The following MLLT3 variants were observed in gnomAD, a reference collection of about 807,000 sequenced individuals.
MLLT3 encodes the protein MLLT3 super elongation complex subunit, also known as protein AF-9.
Under a neutral mutation model 53.2 loss-of-function variants are expected in MLLT3, and 4 were observed. The ratio of observed to expected loss-of-function variants is 0.08; its 90% CI spans 0.04 to 0.17. MLLT3 has a LOEUF of 0.17. Ranked by LOEUF, MLLT3 falls within the 10% of genes least tolerant of loss-of-function variation. The pLI is 1.00. For missense variants in MLLT3, 569 were observed against 684.0 expected, an observed-to-expected ratio of 0.83 and a Z score of 1.87; for synonymous variants, 283 against 230.6, an observed-to-expected ratio of 1.23 and a Z score of -2.06.
intron 2 of MLLT3, among the ~76,000 whole-genome samples, chr9:20,459,087 G>C (rs1203261526): frequency 6.6e-6 from 1 of 152,088 alleles, no homozygotes; most frequent in Non-Finnish European, 1.5e-5. Context: ...CATACAAGGA[G>C]ACTATATGTA....
At position 20,365,716 on chromosome 9, in the gene MLLT3, C is replaced by G; in HGVS notation, c.1154G>C (p.Ser385Thr). 1.2e-6 allele frequency: 2 copies of G among 1,614,154 alleles called. No individual in the cohort carries two copies. The highest frequency in any genetic ancestry group is 2.2e-5 in the South Asian group (2 of 91,084). The change falls in exon 6 of 11, where the codon AGC (serine) becomes ACC (threonine). Residue 385 changes from serine to threonine, a missense_variant. Physicochemically the swap from Ser to Thr is moderately conservative, Grantham distance 58. Transcript: ENST00000380338. ...DSEQPSPASSSSSSSSSFTPS... is the reference protein window; with the variant it reads ...DSEQPSPASSTSSSSSSFTPS... ...TGTGAAGCTGGAGCTGGAGCTGGAG[C>G]TGGAGCTGGCAGGACTGGGTTGTTC...
At chr9:20,506,689 G>C (rs536346840) in intron 2 of MLLT3, among the ~76,000 whole-genome samples, 17 of 152,068 alleles carry the variant, frequency 1.1e-4, no homozygotes, top group Non-Finnish European at 2.2e-4. Flanking sequence ...CTTTTCAAAA[G>C]GTGCCTCATA....
chr9:20,366,305 C>A (rs567507454), intron 5 of MLLT3, among the ~76,000 whole-genome samples: 144 of 152,278 alleles, frequency 9.5e-4, no homozygotes, highest in Middle Eastern at 3.4e-3. Flanking sequence ...GTTTGGTTTT[C>A]TGTTCCTGTG....
At chr9:20,555,916 T>C (rs1819045812) in intron 2 of MLLT3, among the ~76,000 whole-genome samples, 1 of 152,242 alleles carries the variant, frequency 6.6e-6, no homozygotes, top group African/African-American at 2.4e-5. Context: ...TCATTAAAAA[T>C]AAGTTCTGAT....
chr9:20,410,339 C>CT (rs1822696581), intron 5 of MLLT3, among the ~76,000 whole-genome samples: 1 of 152,114 alleles, frequency 6.6e-6, no homozygotes, highest in African/African-American at 2.4e-5. Flanking sequence ...AGCTAACTTA[C>CT]ATTTTTTTTA....
chr9:20,417,498 T>G (rs557565480), intron 4 of MLLT3, among the ~76,000 whole-genome samples: 1 of 151,796 alleles, frequency 6.6e-6, no homozygotes, highest in East Asian at 1.9e-4. Flanking sequence ...CACAGACTAA[T>G]TAGCATTCAA....
intron 2 of MLLT3, among the ~76,000 whole-genome samples, chr9:20,465,090 G>A (rs1215130826): frequency 2.0e-5 from 3 of 151,958 alleles, no homozygotes; most frequent in Admixed American, 2.0e-4. Flanking sequence ...CACAATGAAT[G>A]TGGACTAAGG....
chr9:20,378,810 A>G (rs536099978), intron 5 of MLLT3, among the ~76,000 whole-genome samples: 3 of 152,220 alleles, frequency 2.0e-5, no homozygotes, highest in Admixed American at 1.3e-4. Flanking sequence ...TAGCAAAAAC[A>G]TGCTACATTT....
intron 2 of MLLT3, among the ~76,000 whole-genome samples, chr9:20,552,905 G>A (rs1763410113): frequency 6.6e-6 from 1 of 152,010 alleles, no homozygotes; most frequent in South Asian, 2.1e-4. Flanking sequence ...CAACCTAAAT[G>A]TTTTTTATAT....
chr9:20,437,499 A>G (rs534530793), intron 4 of MLLT3, among the ~76,000 whole-genome samples: 1 of 152,172 alleles, frequency 6.6e-6, no homozygotes, highest in Non-Finnish European at 1.5e-5. Flanking sequence ...GAAGTAAAGA[A>G]GCTCAAGAAA....
intron 2 of MLLT3, among the ~76,000 whole-genome samples, chr9:20,550,943 T>G (rs1366747312): frequency 6.6e-6 from 1 of 152,048 alleles, no homozygotes; most frequent in African/African-American, 2.4e-5. Flanking sequence ...CATTTTTTTC[T>G]TGGTAGAAAT....
intron 5 of MLLT3, among the ~76,000 whole-genome samples, chr9:20,400,308 C>A (rs897148159): frequency 5.3e-5 from 8 of 151,916 alleles, no homozygotes; most frequent in Non-Finnish European, 7.4e-5. Flanking sequence ...TGAGGGAGAA[C>A]CTATAGATTA....
chr9:20,421,155 T>G (rs957326503), intron 4 of MLLT3, among the ~76,000 whole-genome samples: 1 of 152,054 alleles, frequency 6.6e-6, no homozygotes, highest in East Asian at 1.9e-4. Flanking sequence ...TCCAAGCTAT[T>G]TGGGAGGCTG....
Position 20,413,944 on chromosome 9 carries a change from C to T in MLLT3, c.902G>A (p.Ser301Asn). ...EELSAKKRKK[S>N]SSEALFKSFS... ...ACTTTTAAATAAAGCCTCTGAGCTA[C>T]TCTTTTTCCTTTTTTTGGCTGAGAG... The change falls in exon 5 of 11, where the codon AGT becomes AAT. Residue 301 changes from serine (S) to asparagine (N), a missense_variant. By Grantham distance (46) the Ser-to-Asn change is conservative (BLOSUM62 1). This residue lies in a region of MLLT3 where 437 missense variants were observed against 376.5 expected (regional missense o/e 1.16). Transcript: ENST00000380338. 1 of 1,613,702 alleles carries T rather than the reference C, an allele frequency of 6.2e-7. No individual in the cohort carries two copies. Among genetic ancestry groups the T allele is most frequent in the Non-Finnish European group, 8.5e-7 (1 of 1,179,946 alleles).
chr9:20,449,161 G>A (rs191122725), intron 3 of MLLT3, among the ~76,000 whole-genome samples: 44 of 152,084 alleles, frequency 2.9e-4, no homozygotes, highest in Middle Eastern at 3.4e-3. Flanking sequence ...CCCTTGCCAC[G>A]TCTTAGAATA....
intron 2 of MLLT3, among the ~76,000 whole-genome samples, chr9:20,554,610 A>G (rs1274340564): frequency 3.9e-5 from 6 of 152,326 alleles, no homozygotes; most frequent in African/African-American, 1.4e-4. Context: ...AGCTGATTAT[A>G]TATACTTTAA....
At position 20,414,014 on chromosome 9, in the gene MLLT3, T is replaced by G; in HGVS notation, c.832A>C (p.Lys278Gln). The change falls in exon 5 of 11, where the codon AAG (lysine) becomes CAG (glutamine). Residue 278 changes from lysine (K) to glutamine (Q), a missense_variant. Physicochemically the swap from Lys to Gln is moderately conservative, Grantham distance 53. This residue lies in a region of MLLT3 where 437 missense variants were observed against 376.5 expected (regional missense o/e 1.16). Transcript: ENST00000380338. ...NLLTITSGQD[K>Q]KAPSKRPPIS... Reference sequence around the variant, plus strand: ...GGCGGCCTTTTACTAGGAGCCTTCTTATCTTGTCCACTGGTGATGGTGAGT... The same window carrying G: ...GGCGGCCTTTTACTAGGAGCCTTCTGATCTTGTCCACTGGTGATGGTGAGT... 3.1e-6 allele frequency: 5 copies of G among 1,614,188 alleles called. No individual in the cohort carries two copies. Among genetic ancestry groups the G allele is most frequent in the Non-Finnish European group, 4.2e-6 (5 of 1,180,018 alleles).
chr9:20,512,797 C>T (rs1016750226), intron 2 of MLLT3, among the ~76,000 whole-genome samples: 1 of 152,232 alleles, frequency 6.6e-6, no homozygotes, highest in African/African-American at 2.4e-5. Context: ...CCACAAAGCA[C>T]AGTACATGAC....
chr9:20,597,248 C>T (rs1820296794), intron 2 of MLLT3, among the ~76,000 whole-genome samples: 1 of 151,782 alleles, frequency 6.6e-6, no homozygotes, highest in Non-Finnish European at 1.5e-5. Flanking sequence ...CAGTACTCAG[C>T]CTGGCACACA....
Sources: allele counts gnomAD v4.1 joint callset (sites outside exome capture counted in the v4.1 genomes callset), GRCh38; gene constraint gnomAD v4.1.1; regional missense constraint gnomAD v4.1.1; transcripts MANE v1.5; gene names NCBI Gene and HGNC (gene_info 2026-07-23, HGNC 2026-07-21).